The following FER variants were observed in gnomAD, a reference collection of about 807,000 sequenced individuals.
The protein encoded by FER is FER tyrosine kinase.
Under a neutral mutation model 111.0 loss-of-function variants are expected in FER, and 63 were observed. The observed-to-expected ratio is 0.57, with a 90% confidence interval of 0.46 to 0.70. The LOEUF is 0.70. Ranked by LOEUF, FER falls within the 30% of genes least tolerant of loss-of-function variation. FER has a pLI of 0.00. For missense variants in FER, 914 were observed against 954.0 expected, an observed-to-expected ratio of 0.96 and a Z score of 0.55; for synonymous variants, 327 against 313.9, an observed-to-expected ratio of 1.04 and a Z score of -0.44.
At chr5:109,037,522 A>T (rs1770569082) in intron 14 of FER, 44 bp downstream of exon 14, 1 of 1,531,940 alleles carries the variant, frequency 6.5e-7, no homozygotes, top group African/African-American at 1.4e-5. Flanking sequence ...CTCTATATTG[A>T]TTGTGAAGAC....
At chr5:108,808,717 C>T (rs535386870) in intron 3 of FER, among the ~76,000 whole-genome samples, 27 of 152,134 alleles carry the variant, frequency 1.8e-4, no homozygotes, top group African/African-American at 5.5e-4. Flanking sequence ...TTTGTGGTAG[C>T]AGGTATTTTC....
intron 13 of FER, among the ~76,000 whole-genome samples, chr5:108,997,511 C>T (rs1168989893): frequency 6.6e-6 from 1 of 151,830 alleles, no homozygotes; most frequent in Admixed American, 6.6e-5. Context: ...TTGACTTTCT[C>T]TTTTCCTAAT....
At chr5:109,106,740 C>T (rs918122892) in intron 17 of FER, among the ~76,000 whole-genome samples, 1 of 152,074 alleles carries the variant, frequency 6.6e-6, no homozygotes, top group African/African-American at 2.4e-5. Context: ...GTAAAAATTT[C>T]CCACCACTAG....
At chr5:109,186,160 A>G (rs754168909) in intron 18 of FER, 40 bp from the exon 19 acceptor site, 4 of 1,614,010 alleles carry the variant, frequency 2.5e-6, no homozygotes, top group East Asian at 2.2e-5. Flanking sequence ...CTACTTGTCT[A>G]CTGTGCCTCA....
At chr5:109,083,205 C>T (rs897942401) in intron 16 of FER, among the ~76,000 whole-genome samples, 8 of 151,980 alleles carry the variant, frequency 5.3e-5, no homozygotes, top group East Asian at 3.8e-4. Flanking sequence ...TTATTGAAAG[C>T]GGCTTTGATA....
chr5:108,925,039 C>T (rs1753546343), intron 10 of FER, among the ~76,000 whole-genome samples: 1 of 151,820 alleles, frequency 6.6e-6, no homozygotes, highest in African/African-American at 2.4e-5. Context: ...CCTTAATTCA[C>T]CTCTCAGTTT....
At chr5:108,884,451 A>G (rs995094411) in intron 9 of FER, among the ~76,000 whole-genome samples, 1 of 151,642 alleles carries the variant, frequency 6.6e-6, no homozygotes, top group Non-Finnish European at 1.5e-5. Context: ...TTTGTACTCA[A>G]CATCTTTCCT....
chr5:109,064,745 A>C (rs1774874628), intron 16 of FER, among the ~76,000 whole-genome samples: 1 of 152,182 alleles, frequency 6.6e-6, no homozygotes, highest in African/African-American at 2.4e-5. Flanking sequence ...TCTTGCTCTT[A>C]GATTCTGTTT....
At chr5:109,055,868 C>G (rs1233041537) in intron 16 of FER, among the ~76,000 whole-genome samples, 1 of 138,684 alleles carries the variant, frequency 7.2e-6, no homozygotes, top group African/African-American at 2.7e-5. Context: ...AAAAAAAAAC[C>G]CAAAAAACAA....
chr5:109,149,213 C>G (rs1754556020), intron 17 of FER, among the ~76,000 whole-genome samples: 1 of 152,056 alleles, frequency 6.6e-6, no homozygotes, highest in Non-Finnish European at 1.5e-5. Flanking sequence ...AAATTTGAGG[C>G]CTCTCTTAAA....
chr5:109,115,511 G>A (rs1339498206), intron 17 of FER, among the ~76,000 whole-genome samples: 1 of 152,092 alleles, frequency 6.6e-6, no homozygotes, highest in Admixed American at 6.6e-5. Flanking sequence ...ACACCTAGGA[G>A]AATTTTTATG....
At chr5:108,871,250 C>A (rs1044766763) in intron 6 of FER, 115 bp from the exon 7 acceptor site, 14 of 762,352 alleles carry the variant, frequency 1.8e-5, no homozygotes, top group Admixed American at 5.7e-5. Context: ...CAGGAAACAA[C>A]CATCTGTACA....
intron 3 of FER, among the ~76,000 whole-genome samples, chr5:108,821,707 CTATAA>C (rs1758862327): frequency 6.6e-6 from 1 of 151,268 alleles, no homozygotes; most frequent in Non-Finnish European, 1.5e-5. Context: ...TTATTAAATT[CTATAA>C]TATAATTATT....
intron 16 of FER, among the ~76,000 whole-genome samples, chr5:109,098,989 C>T (rs1747875415): frequency 6.6e-6 from 1 of 151,486 alleles, no homozygotes; most frequent in Non-Finnish European, 1.5e-5. Flanking sequence ...GTCTTCACCT[C>T]TATAGCTTTT....
At chr5:108,907,886 C>T (rs1324230295) in intron 10 of FER, among the ~76,000 whole-genome samples, 1 of 151,856 alleles carries the variant, frequency 6.6e-6, no homozygotes, top group African/African-American at 2.4e-5. Flanking sequence ...GATTGACACC[C>T]AAATGTACAT....
chr5:109,078,682 G>A (rs553315007), intron 16 of FER, among the ~76,000 whole-genome samples: 28 of 152,224 alleles, frequency 1.8e-4, no homozygotes, highest in African/African-American at 6.5e-4. Context: ...AGTAAATATT[G>A]ACCAAGTTAC....
chr5:108,874,386 G>A (rs1408243362), intron 8 of FER, among the ~76,000 whole-genome samples: 10 of 152,124 alleles, frequency 6.6e-5, no homozygotes, highest in Non-Finnish European at 8.8e-5. Context: ...CTTTGATAAT[G>A]TGGTAGAAGT....
intron 10 of FER, among the ~76,000 whole-genome samples, chr5:108,925,224 C>G (rs1355656305): frequency 1.3e-5 from 2 of 151,684 alleles, no homozygotes; most frequent in Non-Finnish European, 2.9e-5. Flanking sequence ...AGTTTCTATT[C>G]TGGCTGGTGA....
chr5:108,989,074 T>C (rs1170264403), intron 13 of FER, among the ~76,000 whole-genome samples: 1 of 152,134 alleles, frequency 6.6e-6, no homozygotes, highest in East Asian at 1.9e-4. Flanking sequence ...TTTCTACTTA[T>C]TTGCATGGTT....
Sources: gnomAD v4.1 joint callset for allele counts (sites outside exome capture counted in the v4.1 genomes callset) on GRCh38, gnomAD v4.1.1 for gene constraint, MANE v1.5 for transcripts, NCBI Gene and HGNC (gene_info 2026-07-23, HGNC 2026-07-21) for gene names.